ATXN10: variants seen among roughly 807,000 people sequenced by gnomAD.
ATXN10 encodes ataxin-10.
In ATXN10, 28 loss-of-function variants were observed where a neutral mutation model predicts 52.9. The observed-to-expected ratio is 0.53, with a 90% confidence interval of 0.39 to 0.73. ATXN10 has a LOEUF of 0.73. Ranked by LOEUF, ATXN10 falls within the 30% of genes least tolerant of loss-of-function variation. The pLI is 0.00. For missense variants in ATXN10, 565 were observed against 577.0 expected (o/e 0.98, Z 0.21); for synonymous variants, 226 against 221.5 (o/e 1.02, Z -0.18).
chr22:45,793,764 A>G lies in ATXN10; in HGVS notation c.1174-13195A>G, dbSNP rs544420442. On this transcript the variant is annotated intron_variant, in intron 9 of 11. Transcript: ENST00000252934. Reference sequence around the variant, plus strand: ...CCACCCCCGATTCCTGCCTTTCCCCAGTGATGCAGGACAGGTAAGCCCCCA... The same window carrying G: ...CCACCCCCGATTCCTGCCTTTCCCCGGTGATGCAGGACAGGTAAGCCCCCA... 1.3e-5 allele frequency: 18 copies of G among 1,406,856 alleles called. No homozygotes were observed. The African/African-American group carries it at 2.4e-4, about 18-fold the overall frequency. 87.1% of individuals were successfully genotyped at this position (1,406,856 alleles called of 1,614,324 possible).
In ATXN10 at chr22:45,727,612, C is replaced by T. The variant is rs74929192; in HGVS notation, c.729-1813C>T. On this transcript the variant is annotated intron_variant, in intron 6 of 11. Coordinates refer to ENST00000252934, the MANE Select transcript of ATXN10 (RefSeq NM_013236.4). The surrounding 1 kb of genome is among the most constrained non-coding windows in gnomAD (Gnocchi z 4.6). ...CCGATCTCAGGTGATCCCCCATCCTCGGCCTCCCAAAGTACTGGGATTTCA... is the reference window on the plus strand; with the variant it reads ...CCGATCTCAGGTGATCCCCCATCCTTGGCCTCCCAAAGTACTGGGATTTCA... Among the ~76,000 whole-genome samples the T allele has an allele frequency of 0.028, 4,303 of 152,134 alleles. 103 individuals are homozygous for T. The highest frequency in any genetic ancestry group is 0.041 in the Non-Finnish European group (2,793 of 67,996).
rs1300251433 is a variant in ATXN10 at position 45,772,943 on chromosome 22, A to G, written c.1173+32405A>G. On this transcript the variant is annotated intron_variant, in intron 9 of 11. Transcript: ENST00000252934. The surrounding 1 kb of genome is among the most constrained non-coding windows in gnomAD (Gnocchi z 4.1). ...ACTTCAAACCATCTGTAGACTTCTT[A>G]TAATACCTAATACATGTAAATGCTG... Among the ~76,000 whole-genome samples the G allele has an allele frequency of 1.3e-5, 2 of 152,222 alleles. No individual in the cohort carries two copies. Among genetic ancestry groups the G allele is most frequent in the Non-Finnish European group, 2.9e-5 (2 of 68,040 alleles).
rs187915231 is a variant in ATXN10 at position 45,677,383 on chromosome 22, G to A, written c.116+5204G>A. 4.0e-5 allele frequency: 6 copies of A among 151,378 alleles called. No individual in the cohort carries two copies. Among genetic ancestry groups the A allele is most frequent in the African/African-American group, 9.7e-5 (4 of 41,310 alleles). 9.4% of individuals were successfully genotyped at this position (151,378 alleles called of 1,614,324 possible). ...CACTTGCTTGGTCTTTTTCTTAGTC[G>A]TGTAGACAGTAATTTTTTTTTTCAG... On this transcript the variant is annotated intron_variant, in intron 1 of 11. Coordinates refer to ENST00000252934, the MANE Select transcript of ATXN10 (RefSeq NM_013236.4). This position sits in a 1 kb window ranked among gnomAD's most constrained non-coding sequence, Gnocchi z 4.1.
chr22:45,679,719 A>T (rs984041929), intron 1 of ATXN10: 15 of 152,220 alleles, frequency 9.9e-5, no homozygotes, highest in Non-Finnish European at 1.8e-4. Context: ...ATTAAGTTAC[A>T]CTATAAAAAG....
rs1260974558 is a variant in ATXN10, at chr22:45,833,919, C to T, written c.1238-9072C>T. On this transcript the variant is annotated intron_variant, in intron 10 of 11. Transcript: ENST00000252934. The surrounding 1 kb of genome is among the most constrained non-coding windows in gnomAD (Gnocchi z 4.3). ...CCTGACTGCCTACTTCCAAATCCACCTTGAACACATCCAGTTGCGGGACCT... is the reference window on the plus strand; with the variant it reads ...CCTGACTGCCTACTTCCAAATCCACTTTGAACACATCCAGTTGCGGGACCT... Among the ~76,000 whole-genome samples the T allele has an allele frequency of 6.6e-6, 1 of 152,204 alleles. No homozygotes were observed. The highest frequency in any genetic ancestry group is 1.5e-5 in the Non-Finnish European group (1 of 68,040).
chr22:45,737,227 C>G (rs1925331578), intron 7 of ATXN10, among the ~76,000 whole-genome samples: 1 of 152,198 alleles, frequency 6.6e-6, no homozygotes, highest in African/African-American at 2.4e-5. Flanking sequence ...CAAGTTGTTT[C>G]TGATTCCGAA....
chr22:45,673,277 T>C (rs1335693295), intron 1 of ATXN10: 1 of 152,100 alleles, frequency 6.6e-6, no homozygotes, highest in Non-Finnish European at 1.5e-5. Context: ...GCTGTGGGGG[T>C]ATGTATGTAC....
At chr22:45,680,913 G>A (rs924646230) in intron 1 of ATXN10, among the ~76,000 whole-genome samples, 13 of 152,104 alleles carry the variant, frequency 8.5e-5, no homozygotes, top group Admixed American at 8.5e-4. Context: ...CTGAGGACAT[G>A]CCTTTCCCAG....
intron 9 of ATXN10, 46 bp from the exon 10 acceptor site, chr22:45,806,913 T>C (rs1388065481): frequency 1.4e-6 from 2 of 1,414,174 alleles, no homozygotes; most frequent in East Asian, 2.3e-5. Flanking sequence ...TCTCTGACTA[T>C]AGCCATGCTG....
intron 10 of ATXN10, among the ~76,000 whole-genome samples, chr22:45,829,276 T>C (rs549130042): frequency 1.3e-5 from 2 of 152,104 alleles, no homozygotes; most frequent in East Asian, 3.9e-4. Context: ...ACAGCAAACA[T>C]AACTCCACGA....
At chr22:45,726,016 G>A (rs753907200) in intron 6 of ATXN10, among the ~76,000 whole-genome samples, 1 of 152,128 alleles carries the variant, frequency 6.6e-6, no homozygotes, top group Non-Finnish European at 1.5e-5. Flanking sequence ...TGATTATGGT[G>A]AATTATCTTT....
chr22:45,747,335 C>G (rs1925771047), intron 9 of ATXN10, among the ~76,000 whole-genome samples: 1 of 152,098 alleles, frequency 6.6e-6, no homozygotes, highest in African/African-American at 2.4e-5. Flanking sequence ...AAGACTCCAT[C>G]CCTACAAAAT....
At chr22:45,767,708 GGAA>G (rs1178911144) in intron 9 of ATXN10, among the ~76,000 whole-genome samples, 1 of 152,090 alleles carries the variant, frequency 6.6e-6, no homozygotes, top group Non-Finnish European at 1.5e-5. Flanking sequence ...GTTGGAGGAA[GGAA>G]GAAGGAGAAA....
At chr22:45,811,856 C>T in intron 10 of ATXN10, 1 of 453,234 alleles carries the variant, frequency 2.2e-6, no homozygotes. Flanking sequence ...TGGATCATTC[C>T]TCTCTGATTC....
At chr22:45,725,591 A>G (rs1197170077) in intron 6 of ATXN10, among the ~76,000 whole-genome samples, 2 of 152,112 alleles carry the variant, frequency 1.3e-5, no homozygotes, top group African/African-American at 4.8e-5. Flanking sequence ...TTCTAGGTAT[A>G]TGATCGTATC....
rs1294828565 is a variant in ATXN10, at chr22:45,754,384, T to A, written c.1173+13846T>A. Reference sequence around the variant, plus strand: ...CATACATTTATTGTGAGGATTAAATTACTATTGATGACAGCAGTCACAGTG... The same window carrying A: ...CATACATTTATTGTGAGGATTAAATAACTATTGATGACAGCAGTCACAGTG... On this transcript the variant is annotated intron_variant, in intron 9 of 11. Coordinates refer to ENST00000252934, the MANE Select transcript of ATXN10 (RefSeq NM_013236.4). This position sits in a 1 kb window ranked among gnomAD's most constrained non-coding sequence, Gnocchi z 5.4. Among the ~76,000 whole-genome samples the A allele has an allele frequency of 6.6e-6, 1 of 152,214 alleles. No homozygotes were observed. Among genetic ancestry groups the A allele is most frequent in the Admixed American group, 6.5e-5 (1 of 15,284 alleles).
intron 9 of ATXN10, among the ~76,000 whole-genome samples, chr22:45,768,203 C>G (rs1329229058): frequency 1.3e-5 from 2 of 152,060 alleles, no homozygotes; most frequent in Non-Finnish European, 2.9e-5. Context: ...CCATTTTTCT[C>G]TATAAGGAAC....
rs1928604776 is a variant in ATXN10 at position 45,820,301 on chromosome 22, A to G, written c.1237+13279A>G. 6.6e-6 allele frequency among the ~76,000 whole-genome samples: 1 copy of G among 152,206 alleles called. No homozygotes were observed. The highest frequency in any genetic ancestry group is 1.5e-5 in the Non-Finnish European group (1 of 68,034). On this transcript the variant is annotated intron_variant, in intron 10 of 11. Coordinates refer to ENST00000252934, the MANE Select transcript of ATXN10 (RefSeq NM_013236.4). This position sits in a 1 kb window ranked among gnomAD's most constrained non-coding sequence, Gnocchi z 4.9. ...CCTAAGGAAGATGCAAGCTCTGATCACCGTCTAGTTGGAGAAACAGGCCAT... is the reference window on the plus strand; with the variant it reads ...CCTAAGGAAGATGCAAGCTCTGATCGCCGTCTAGTTGGAGAAACAGGCCAT...
rs562254761 is a variant in ATXN10 at position 45,769,535 on chromosome 22, G to A, written c.1173+28997G>A. Among the ~76,000 whole-genome samples the A allele has an allele frequency of 2.8e-4, 43 of 152,218 alleles. No homozygotes were observed. The highest frequency in any genetic ancestry group is 1.2e-3 in the East Asian group (6 of 5,172). On this transcript the variant is annotated intron_variant, in intron 9 of 11. Coordinates refer to ENST00000252934, the MANE Select transcript of ATXN10 (RefSeq NM_013236.4). This position sits in a 1 kb window ranked among gnomAD's most constrained non-coding sequence, Gnocchi z 4.2. ...GAATGGTGGGTAGCAGTTATGTGGC[G>A]ATGAAGAGACTATTTCAAAGGAATG... is the stretch of plus-strand genomic sequence containing the variant.
Sources: allele counts gnomAD v4.1 joint callset (sites outside exome capture counted in the v4.1 genomes callset), GRCh38; gene constraint gnomAD v4.1.1; non-coding constraint Gnocchi (gnomAD v3.1); transcripts MANE v1.5; gene names NCBI Gene and HGNC (gene_info 2026-07-23, HGNC 2026-07-21).